ALDH2: variants seen among roughly 807,000 people sequenced by gnomAD.
The protein encoded by ALDH2 is aldehyde dehydrogenase 2 family member.
In ALDH2, 44 loss-of-function variants were observed where a neutral mutation model predicts 59.6. The ratio of observed to expected loss-of-function variants is 0.74; its 90% CI spans 0.58 to 0.95. ALDH2 has a LOEUF of 0.95. Ranked by LOEUF, ALDH2 falls within the 40% of genes least tolerant of loss-of-function variation. The pLI is 0.00. For synonymous variants in ALDH2, 291 were observed against 284.0 expected, an observed-to-expected ratio of 1.02 and a Z score of -0.25; for missense variants, 570 against 696.3, an observed-to-expected ratio of 0.82 and a Z score of 2.04.
intron 1 of ALDH2, among the ~76,000 whole-genome samples, chr12:111,773,127 G>A (rs1336124101): frequency 6.6e-6 from 1 of 152,044 alleles, no homozygotes; most frequent in Non-Finnish European, 1.5e-5. Context: ...GCATGTACCT[G>A]TAATCCCAGC....
intron 1 of ALDH2, among the ~76,000 whole-genome samples, chr12:111,777,693 CG>C (rs2136010519): frequency 1.3e-5 from 2 of 152,222 alleles, no homozygotes; most frequent in Non-Finnish European, 2.9e-5. Flanking sequence ...CTTTCAGAGT[CG>C]GGGAGTAAAC....
intron 9 of ALDH2, 137 bp downstream of exon 9, chr12:111,792,919 A>G (rs954221942): frequency 1.5e-5 from 15 of 971,800 alleles, no homozygotes; most frequent in Middle Eastern, 6.6e-4. Context: ...TTGGGAAGCT[A>G]TGTTCCCTCC....
chr12:111,792,800 G>A lies in ALDH2; in HGVS notation c.1083+18G>A, dbSNP rs554638363. 26 of 1,542,434 alleles carry A rather than the reference G, an allele frequency of 1.7e-5. No individual in the cohort carries two copies. Among genetic ancestry groups the A allele is most frequent in the East Asian group, 4.9e-5 (2 of 40,906 alleles). On this transcript the variant is annotated intron_variant, in intron 9 of 12. Transcript: ENST00000261733. ...GGCCGCAGGTGAGCCAGGCAGTGCC[G>A]CAGGGTCTGGGTGTCTAGAGCCAGC...
At chr12:111,776,402 C>T (rs2068235869) in intron 1 of ALDH2, among the ~76,000 whole-genome samples, 1 of 152,110 alleles carries the variant, frequency 6.6e-6, no homozygotes, top group Non-Finnish European at 1.5e-5. Flanking sequence ...CCCAGAAGTA[C>T]TCGATGAGGC....
chr12:111,799,837 G>A, intron 10 of ALDH2, 69 bp from the exon 11 acceptor site: 1 of 1,546,356 alleles, frequency 6.5e-7, no homozygotes, highest in East Asian at 2.3e-5. Flanking sequence ...CATCTGTTCT[G>A]CTCTGAGAGA....
intron 6 of ALDH2, 139 bp downstream of exon 6, chr12:111,790,701 C>T: frequency 2.6e-6 from 3 of 1,155,954 alleles, no homozygotes; most frequent in Admixed American, 2.6e-5. Flanking sequence ...ACCAGAGTGG[C>T]TCCCTCTTAG....
chr12:111,797,669 A>G (rs1323978567), intron 9 of ALDH2, among the ~76,000 whole-genome samples: 2 of 152,094 alleles, frequency 1.3e-5, no homozygotes, highest in Non-Finnish European at 1.5e-5. Context: ...CTTTGTGCAT[A>G]TGTAGAATAA....
chr12:111,783,817 C>T (rs886212321), intron 3 of ALDH2, among the ~76,000 whole-genome samples: 18 of 152,098 alleles, frequency 1.2e-4, no homozygotes, highest in African/African-American at 3.4e-4. Context: ...GCCTTTGATG[C>T]GGCGGGTTTG....
intron 12 of ALDH2, 51 bp from the exon 13 acceptor site, chr12:111,809,492 C>T: frequency 1.2e-6 from 2 of 1,609,164 alleles, no homozygotes; most frequent in Non-Finnish European, 1.7e-6. Context: ...AGGGGACCTA[C>T]AGATCACAGG....
At chr12:111,788,777 G>C (rs954035978) in intron 4 of ALDH2, among the ~76,000 whole-genome samples, 6 of 152,024 alleles carry the variant, frequency 3.9e-5, no homozygotes, top group African/African-American at 1.2e-4. Flanking sequence ...CAAGGCAGGA[G>C]GATCACTTGA....
At chr12:111,782,656 G>A (rs1369018366) in intron 2 of ALDH2, among the ~76,000 whole-genome samples, 1 of 152,224 alleles carries the variant, frequency 6.6e-6, no homozygotes, top group Non-Finnish European at 1.5e-5. Flanking sequence ...AGGCCAAGGT[G>A]GGCAGATCAT....
At position 111,789,885 on chromosome 12, in the gene ALDH2, T is replaced by C. The variant is rs776223807; in HGVS notation, c.503T>C (p.Phe168Ser). 2 of 1,614,056 alleles carry C rather than the reference T, an allele frequency of 1.2e-6. No homozygotes were observed. The highest frequency in any genetic ancestry group is 1.7e-6 in the Non-Finnish European group (2 of 1,180,038). The part of the protein sequence containing the change: ...GKTIPIDGDF[F>S]SYTRHEPVGV... ...ACCATCCCCATTGACGGAGACTTCTTCAGCTACACACGCCATGAACCTGTG... is the reference window on the plus strand; with the variant it reads ...ACCATCCCCATTGACGGAGACTTCTCCAGCTACACACGCCATGAACCTGTG... Residue 168 changes from phenylalanine (F) to serine (S), a missense_variant, in exon 5 of 13, where the codon TTC (phenylalanine) becomes TCC (serine). Physicochemically the swap from Phe to Ser is radical, Grantham distance 155. Coordinates refer to ENST00000261733, the MANE Select transcript of ALDH2 (RefSeq NM_000690.4).
intron 1 of ALDH2, among the ~76,000 whole-genome samples, chr12:111,769,140 TG>T (rs1191624967): frequency 5.3e-5 from 8 of 152,214 alleles, no homozygotes. Context: ...ATTTACTCTG[TG>T]GGTGTAGGCT....
chr12:111,789,637 G>A (rs1294302503), intron 4 of ALDH2, among the ~76,000 whole-genome samples, 186 bp from the exon 5 acceptor site: 2 of 152,304 alleles, frequency 1.3e-5, no homozygotes, highest in East Asian at 3.9e-4. Flanking sequence ...CTGAGGCTTG[G>A]GGGTTAGCTA....
chr12:111,807,369 G>T (rs567729895), intron 12 of ALDH2, among the ~76,000 whole-genome samples: 7 of 151,974 alleles, frequency 4.6e-5, no homozygotes, highest in Non-Finnish European at 1.0e-4. Flanking sequence ...CTTGTTTACT[G>T]TATACCCCAC....
At chr12:111,807,166 G>A (rs1343051299) in intron 12 of ALDH2, among the ~76,000 whole-genome samples, 1 of 152,118 alleles carries the variant, frequency 6.6e-6, no homozygotes, top group Non-Finnish European at 1.5e-5. Flanking sequence ...GGGAGGCTGA[G>A]GCAGGAGAAT....
intron 9 of ALDH2, 68 bp downstream of exon 9, chr12:111,792,850 C>A: frequency 6.8e-7 from 1 of 1,480,198 alleles, no homozygotes; most frequent in East Asian, 2.5e-5. Context: ...GGGCATCGGG[C>A]TCAGATCAGT....
At chr12:111,792,550 G>T (rs1566189937) in intron 8 of ALDH2, 48 bp from the exon 9 acceptor site, 4 of 1,581,616 alleles carry the variant, frequency 2.5e-6, no homozygotes, top group African/African-American at 2.7e-5. Flanking sequence ...CAGGGCCAGG[G>T]TCCTCCTCCT....
At chr12:111,802,790 G>T (rs998682917) in intron 11 of ALDH2, among the ~76,000 whole-genome samples, 2 of 148,408 alleles carry the variant, frequency 1.3e-5, no homozygotes, top group African/African-American at 5.0e-5. Flanking sequence ...TGAGGCAGGA[G>T]AATGGCGTGA....
Sources: gnomAD v4.1 joint callset for allele counts (sites outside exome capture counted in the v4.1 genomes callset) on GRCh38, gnomAD v4.1.1 for gene constraint, MANE v1.5 for transcripts, NCBI Gene and HGNC (gene_info 2026-07-23, HGNC 2026-07-21) for gene names.